The following TUSC3 variants were observed in gnomAD, a reference collection of about 807,000 sequenced individuals.
TUSC3 encodes dolichyl-diphosphooligosaccharide--protein glycosyltransferase subunit TUSC3.
A neutral mutation model predicts 44.8 loss-of-function variants in TUSC3; 45 were observed. The observed-to-expected ratio is 1.00, with a 90% CI of 0.79 to 1.29. TUSC3 has a LOEUF of 1.29. Among genes scored for constraint, TUSC3 ranks in the 50% most tolerant of loss-of-function variants. TUSC3 has a pLI of 0.00. For missense variants in TUSC3, 519 were observed against 437.9 expected, an observed-to-expected ratio of 1.19 and a Z score of -1.65; for synonymous variants, 212 against 152.9, an observed-to-expected ratio of 1.39 and a Z score of -2.85.
At chr8:15,682,421 C>T (rs1053344296) in intron 6 of TUSC3, among the ~76,000 whole-genome samples, 1 of 151,828 alleles carries the variant, frequency 6.6e-6, no homozygotes, top group East Asian at 1.9e-4. Flanking sequence ...ATGTAATTAC[C>T]TTCTTTGTCC....
intron 6 of TUSC3, among the ~76,000 whole-genome samples, chr8:15,683,890 A>G (rs975642375): frequency 6.6e-6 from 1 of 152,022 alleles, no homozygotes; most frequent in Non-Finnish European, 1.5e-5. Context: ...GAGTACTTTC[A>G]TATGGCCAAG....
chr8:15,688,328 G>A (rs1429091380), intron 6 of TUSC3, among the ~76,000 whole-genome samples: 1 of 151,816 alleles, frequency 6.6e-6, no homozygotes, highest in Non-Finnish European at 1.5e-5. Context: ...TGTTTATCAA[G>A]CATCATTAGG....
intron 1 of TUSC3, among the ~76,000 whole-genome samples, chr8:15,474,962 T>C (rs940005837): frequency 1.3e-5 from 2 of 152,206 alleles, no homozygotes; most frequent in Non-Finnish European, 2.9e-5. Context: ...ATGTCCCTTC[T>C]GTGACACTTG....
intron 1 of TUSC3, among the ~76,000 whole-genome samples, chr8:15,427,453 T>C (rs911533055): frequency 6.6e-6 from 1 of 152,020 alleles, no homozygotes; most frequent in Non-Finnish European, 1.5e-5. Context: ...AAACTGGTAA[T>C]GAGCAGCATC....
At chr8:15,630,108 A>T (rs980548340) in intron 2 of TUSC3, among the ~76,000 whole-genome samples, 8 of 152,186 alleles carry the variant, frequency 5.3e-5, no homozygotes, top group African/African-American at 1.9e-4. Flanking sequence ...CATCTCTTCC[A>T]GGGTTTATTA....
intron 1 of TUSC3, among the ~76,000 whole-genome samples, chr8:15,598,630 T>C (rs1804162442): frequency 6.6e-6 from 1 of 151,720 alleles, no homozygotes; most frequent in African/African-American, 2.4e-5. Context: ...TGGCAACCAC[T>C]GATCTTTTTA....
chr8:15,487,063 T>C (rs1046490352), intron 2 of TUSC3, among the ~76,000 whole-genome samples: 4 of 152,214 alleles, frequency 2.6e-5, no homozygotes, highest in Non-Finnish European at 4.4e-5. Flanking sequence ...GCTTCCCTTC[T>C]TCTATGACAA....
intron 10 of TUSC3, among the ~76,000 whole-genome samples, chr8:15,763,499 T>C (rs1356029894): frequency 6.6e-6 from 1 of 152,042 alleles, no homozygotes; most frequent in Non-Finnish European, 1.5e-5. Context: ...CTTGCAAAGT[T>C]GTCTTGTGTT....
chr8:15,641,825 T>C (rs1454205705), intron 2 of TUSC3, among the ~76,000 whole-genome samples: 3 of 152,322 alleles, frequency 2.0e-5, no homozygotes, highest in African/African-American at 7.2e-5. Flanking sequence ...TTGGAAGTCA[T>C]GATAAAAGTA....
intron 1 of TUSC3, among the ~76,000 whole-genome samples, chr8:15,436,129 T>G (rs547420090): frequency 6.6e-6 from 1 of 152,260 alleles, no homozygotes; most frequent in East Asian, 1.9e-4. Flanking sequence ...TCTCATAGGG[T>G]TTCCTGACTA....
intron 2 of TUSC3, among the ~76,000 whole-genome samples, chr8:15,528,750 C>A (rs1356047708): frequency 6.6e-6 from 1 of 152,120 alleles, no homozygotes; most frequent in Non-Finnish European, 1.5e-5. Flanking sequence ...CTACAGATTG[C>A]CTGAATTAAA....
At position 15,765,554 on chromosome 8, in the gene TUSC3, C is replaced by G. The variant is rs1812304399; in HGVS notation, c.*1398C>G. On this transcript the variant is annotated 3_prime_UTR_variant, in exon 11 of 11. Transcript: ENST00000503731. ...TAAAGGCCTACTGGGGCATGTTTAT[C>G]AAGTTATATCCCAGGGCAATGTGTA... is the stretch of plus-strand genomic sequence containing the variant. 1 of 151,964 alleles carries G rather than the reference C, an allele frequency of 6.6e-6. No homozygotes were observed. Among genetic ancestry groups the G allele is most frequent in the African/African-American group, 2.4e-5 (1 of 41,406 alleles). The allele number at this position is 151,964 out of a possible 1,614,324, so 9.4% of individuals were successfully genotyped here.
At chr8:15,623,052 A>AATAC (rs1563139228) in intron 1 of TUSC3, 28 bp from the exon 2 acceptor site, 2 of 1,610,812 alleles carry the variant, frequency 1.2e-6, no homozygotes, top group East Asian at 4.5e-5. Flanking sequence ...GACTCTTTGT[A>AATAC]AATGTTAATT....
the TUSC3 span, among the ~76,000 whole-genome samples, chr8:15,850,661 AAAG>A: frequency 1.3e-5 from 2 of 152,228 alleles, 1 homozygote; most frequent in East Asian, 3.8e-4. Flanking sequence ...ACATTAATTA[AAAG>A]AATAAAATGA....
At chr8:15,599,259 C>G (rs1006399588) in intron 1 of TUSC3, among the ~76,000 whole-genome samples, 2 of 151,506 alleles carry the variant, frequency 1.3e-5, no homozygotes, top group African/African-American at 4.8e-5. Context: ...GGTCTTTGGC[C>G]CATTTTAAAA....
the TUSC3 span, among the ~76,000 whole-genome samples, chr8:15,817,683 C>T: frequency 3.9e-5 from 6 of 152,276 alleles, no homozygotes; most frequent in South Asian, 1.2e-3. Context: ...TTATAAGTTG[C>T]CCAAGGCCTC....
intron 1 of TUSC3, among the ~76,000 whole-genome samples, chr8:15,477,846 C>A (rs974559331): frequency 6.6e-6 from 1 of 152,132 alleles, no homozygotes; most frequent in East Asian, 1.9e-4. Context: ...TGCTTTCCTG[C>A]TGTTTTTTTC....
chr8:15,542,039 CA>C (rs912420502), intron 1 of TUSC3, among the ~76,000 whole-genome samples: 3 of 150,950 alleles, frequency 2.0e-5, no homozygotes, highest in Non-Finnish European at 4.4e-5. Context: ...GCACTGGTGA[CA>C]CAGCCTCTGG....
intron 3 of TUSC3, among the ~76,000 whole-genome samples, chr8:15,657,508 G>A (rs563457405): frequency 6.6e-6 from 1 of 152,044 alleles, no homozygotes; most frequent in Non-Finnish European, 1.5e-5. Flanking sequence ...TCTCATTTCC[G>A]TCTGAGACCT....
Sources: gnomAD v4.1 joint callset for allele counts (sites outside exome capture counted in the v4.1 genomes callset) on GRCh38, gnomAD v4.1.1 for gene constraint, MANE v1.5 for transcripts, NCBI Gene and HGNC (gene_info 2026-07-23, HGNC 2026-07-21) for gene names.